The following EXT1 variants were observed in gnomAD, a reference collection of about 807,000 sequenced individuals.
The protein encoded by EXT1 is exostosin glycosyltransferase 1.
A neutral mutation model predicts 82.5 loss-of-function variants in EXT1; 20 were observed. The ratio of observed to expected loss-of-function variants is 0.24; its 90% CI spans 0.17 to 0.35. EXT1 has a LOEUF of 0.35. Among genes scored for constraint, EXT1 ranks in the 10% least tolerant of loss-of-function variants. The probability of loss-of-function intolerance (pLI) is 1.00; values close to 1 mark genes in which losing one functional copy is unlikely to be tolerated. For synonymous variants in EXT1, 348 were observed against 350.8 expected (o/e 0.99, Z 0.09); for missense variants, 757 against 936.5 (o/e 0.81, Z 2.50).
intron 1 of EXT1, among the ~76,000 whole-genome samples, chr8:118,052,163 T>C (rs1469788645): frequency 1.3e-5 from 2 of 152,298 alleles, no homozygotes; most frequent in Non-Finnish European, 2.9e-5. Context: ...TTAAAACCAC[T>C]TCCTAGAACT....
chr8:117,869,752 G>C (rs1812838592), intron 1 of EXT1, among the ~76,000 whole-genome samples: 1 of 152,194 alleles, frequency 6.6e-6, no homozygotes, highest in South Asian at 2.1e-4. Flanking sequence ...TGAAAAGGAA[G>C]GGTGGAGTTC....
intron 1 of EXT1, among the ~76,000 whole-genome samples, chr8:118,015,947 G>A (rs930489094): frequency 1.7e-4 from 26 of 152,234 alleles, no homozygotes; most frequent in Admixed American, 5.2e-4. Flanking sequence ...GAGTTAGGCT[G>A]TGCCACAAAC....
intron 1 of EXT1, among the ~76,000 whole-genome samples, chr8:118,049,473 C>T (rs1489486340): frequency 6.6e-6 from 1 of 152,074 alleles, no homozygotes; most frequent in Non-Finnish European, 1.5e-5. Flanking sequence ...TGCAAGGTGG[C>T]TAATAACACA....
At chr8:117,834,853 TA>T (rs921653550) in intron 3 of EXT1, among the ~76,000 whole-genome samples, 7 of 151,376 alleles carry the variant, frequency 4.6e-5, no homozygotes, top group Admixed American at 2.6e-4. Context: ...CTTAGTAATT[TA>T]AAAAAAAATA....
chr8:118,067,494 T>C (rs1457798225), intron 1 of EXT1, among the ~76,000 whole-genome samples: 3 of 152,216 alleles, frequency 2.0e-5, no homozygotes, highest in African/African-American at 7.2e-5. Flanking sequence ...GTTCCTTGTC[T>C]AATGAACTTT....
rs760060692 is a variant in EXT1, at chr8:118,103,474, T to G, written c.962+6611A>C. 2.6e-4 allele frequency among the ~76,000 whole-genome samples: 39 copies of G among 152,324 alleles called. No individual in the cohort carries two copies. The Middle Eastern group carries it at 0.017, about 66-fold the overall frequency. ...GCCTGTGTATAACGCTTATAATTTT[T>G]TAAGCACTGTTTTTCTTTTAAAGAG... On this transcript the variant is annotated intron_variant, in intron 1 of 10. Transcript: ENST00000378204.
At chr8:117,834,862 AT>A (rs1262293174) in intron 3 of EXT1, among the ~76,000 whole-genome samples, 4 of 151,954 alleles carry the variant, frequency 2.6e-5, no homozygotes, top group African/African-American at 7.3e-5. Context: ...TTAAAAAAAA[AT>A]AATACATGAT....
chr8:118,070,770 T>C (rs1817075706), intron 1 of EXT1, among the ~76,000 whole-genome samples: 2 of 152,184 alleles, frequency 1.3e-5, no homozygotes, highest in Admixed American at 6.5e-5. Context: ...TGACATAAAT[T>C]AAGTTGAAAT....
At chr8:117,827,081 G>T (rs1812018510) in intron 4 of EXT1, among the ~76,000 whole-genome samples, 1 of 152,186 alleles carries the variant, frequency 6.6e-6, no homozygotes, top group South Asian at 2.1e-4. Flanking sequence ...TTATGGATCT[G>T]TAAGACTGAC....
rs17475932 is a variant in EXT1 at position 117,942,074 on chromosome 8, G to A, written c.963-104873C>T. 9.5e-3 allele frequency among the ~76,000 whole-genome samples: 1,445 copies of A among 152,290 alleles called. 28 individuals carry two copies. The highest frequency in any genetic ancestry group is 0.032 in the African/African-American group (1,348 of 41,562). ...GACCTTCCCATCACCTGCTGCTACC[G>A]TCTTAGCCTCAGTAATGTCCAACCT... On this transcript the variant is annotated intron_variant, in intron 1 of 10. Coordinates refer to ENST00000378204, the MANE Select transcript of EXT1 (RefSeq NM_000127.3).
At chr8:117,973,958 G>GAAGGAAGGAAGGAAGA (rs1156327403) in intron 1 of EXT1, among the ~76,000 whole-genome samples, 4 of 149,914 alleles carry the variant, frequency 2.7e-5, no homozygotes, top group African/African-American at 9.8e-5. Context: ...AGGAAGGAAG[G>GAAGGAAGGAAGGAAGA]AAGGAAGGAA....
intron 1 of EXT1, among the ~76,000 whole-genome samples, chr8:117,998,423 C>A (rs1815592264): frequency 6.6e-6 from 1 of 152,128 alleles, no homozygotes; most frequent in South Asian, 2.1e-4. Context: ...GACTTTCCCA[C>A]CTCAGGCTCC....
chr8:117,809,374 C>T (rs924312690), intron 8 of EXT1, among the ~76,000 whole-genome samples: 5 of 151,412 alleles, frequency 3.3e-5, no homozygotes, highest in Admixed American at 6.6e-5. Flanking sequence ...CAGTGTCTCA[C>T]GCCTATAATC....
At chr8:117,841,849 T>C (rs1451697688) in intron 1 of EXT1, among the ~76,000 whole-genome samples, 1 of 152,206 alleles carries the variant, frequency 6.6e-6, no homozygotes, top group Non-Finnish European at 1.5e-5. Flanking sequence ...ACAATTGAAG[T>C]CCTGCCCCTC....
intron 1 of EXT1, among the ~76,000 whole-genome samples, chr8:118,068,336 T>C (rs561168714): frequency 3.3e-5 from 5 of 152,348 alleles, no homozygotes; most frequent in African/African-American, 1.2e-4. Flanking sequence ...TTTGTTTGTT[T>C]TAGGTTCCAA....
At chr8:118,089,627 T>A (rs897681985) in intron 1 of EXT1, among the ~76,000 whole-genome samples, 1 of 152,242 alleles carries the variant, frequency 6.6e-6, no homozygotes, top group African/African-American at 2.4e-5. Flanking sequence ...AGTATTACTT[T>A]TGCAATCTAG....
chr8:117,925,956 T>C (rs1813945971), intron 1 of EXT1, among the ~76,000 whole-genome samples: 1 of 152,090 alleles, frequency 6.6e-6, no homozygotes, highest in African/African-American at 2.4e-5. Context: ...TATCCTGCAA[T>C]AGCCGTTTCG....
At chr8:118,059,841 G>C (rs1267854777) in intron 1 of EXT1, among the ~76,000 whole-genome samples, 1 of 152,190 alleles carries the variant, frequency 6.6e-6, no homozygotes, top group East Asian at 1.9e-4. Context: ...TTGATAAATA[G>C]GATAATACAG....
Position 118,111,313 on chromosome 8 carries a change from G to A in EXT1, c.-267C>T, listed in dbSNP as rs1042774730. The A allele has an allele frequency of 3.3e-6, 2 of 603,072 alleles. No homozygotes were observed. Among genetic ancestry groups the A allele is most frequent in the South Asian group, 2.0e-5 (1 of 49,590 alleles). The allele number at this position is 603,072 out of a possible 1,614,324, so 37.4% of individuals were successfully genotyped here. A position where few individuals can be genotyped will look rare whatever the true frequency, so the allele number is the denominator to read the frequency against. ...GGCTGAATATCTCGCACCCAGGGCG[G>A]GCGAGCAGCGGACTGTAATTTTCTT... On this transcript the variant is annotated 5_prime_UTR_variant, in exon 1 of 11. Coordinates refer to ENST00000378204, the MANE Select transcript of EXT1 (RefSeq NM_000127.3).
Sources: allele counts gnomAD v4.1 joint callset (sites outside exome capture counted in the v4.1 genomes callset), GRCh38; gene constraint gnomAD v4.1.1; transcripts MANE v1.5; gene names NCBI Gene and HGNC (gene_info 2026-07-23, HGNC 2026-07-21).